The following CTNNA3 variants were observed in gnomAD, a reference collection of about 807,000 sequenced individuals.
The protein encoded by CTNNA3 is catenin alpha-3.
CTNNA3 carries 76 observed loss-of-function variants against 95.7 expected under a neutral mutation model. The observed-to-expected ratio is 0.79, with a 90% CI of 0.66 to 0.96. The LOEUF is 0.96. Ranked by LOEUF, CTNNA3 falls within the 40% of genes least tolerant of loss-of-function variation. The probability of loss-of-function intolerance (pLI) is 0.00; values close to 1 mark genes in which losing one functional copy is unlikely to be tolerated. For missense variants in CTNNA3, 1,191 were observed against 1,089.8 expected (o/e 1.09, Z -1.31); for synonymous variants, 431 against 374.4 (o/e 1.15, Z -1.74).
rs1389208620 is a variant in CTNNA3, at chr10:66,810,571, GT to G, written c.1048-35048del. On this transcript the variant is annotated intron_variant, in intron 7 of 17. Transcript: ENST00000433211. ...CCACAGATTTCTTATTGGGTTTGTG[GT>G]TTCCCATGTTGCTCCCACATCCCCT... Among the ~76,000 whole-genome samples, 5 of 152,208 alleles carry G rather than the reference GT, an allele frequency of 3.3e-5. No individual in the cohort carries two copies. The East Asian group carries it at 9.6e-4, about 29-fold the overall frequency.
At chr10:66,272,371 TA>T (rs1329027587) in intron 13 of CTNNA3, among the ~76,000 whole-genome samples, 2 of 152,170 alleles carry the variant, frequency 1.3e-5, no homozygotes, top group Non-Finnish European at 1.5e-5. Context: ...GTACATTAAA[TA>T]AATTGGAAAT....
At chr10:67,164,968 T>C (rs2132098700) in intron 7 of CTNNA3, among the ~76,000 whole-genome samples, 1 of 152,342 alleles carries the variant, frequency 6.6e-6, no homozygotes, top group East Asian at 1.9e-4. Context: ...TCCTAAAAAC[T>C]ATGCATCACA....
intron 15 of CTNNA3, among the ~76,000 whole-genome samples, chr10:66,039,179 A>G (rs2079628625): frequency 6.6e-6 from 1 of 152,216 alleles, no homozygotes; most frequent in Non-Finnish European, 1.5e-5. Flanking sequence ...CTAGGAATAC[A>G]GGCAGCCAGG....
chr10:67,518,508 AT>A (rs1029526026), intron 5 of CTNNA3, among the ~76,000 whole-genome samples: 1 of 152,094 alleles, frequency 6.6e-6, no homozygotes, highest in Admixed American at 6.6e-5. Context: ...CAATAATTTA[AT>A]TTTACATATT....
At chr10:67,465,112 T>C (rs1589318399) in intron 5 of CTNNA3, among the ~76,000 whole-genome samples, 1 of 145,462 alleles carries the variant, frequency 6.9e-6, no homozygotes, top group Non-Finnish European at 1.5e-5. Context: ...TCAGTGACAT[T>C]TTGCATCATT....
chr10:67,219,681 G>C lies in CTNNA3; in HGVS notation c.769C>G (p.Gln257Glu), dbSNP rs1864558915. ...GGGGTTGTCATATTCTGGATCCCTTGTGAAGCATTTGAAATTACATTGAGA... is the reference window on the plus strand; with the variant it reads ...GGGGTTGTCATATTCTGGATCCCTTCTGAAGCATTTGAAATTACATTGAGA... ...NALNVISNAS[Q>E]GIQNMTTPPE... Residue 257 changes from glutamine (Q) to glutamate (E), a missense_variant, in exon 6 of 18, where the codon CAA (glutamine) becomes GAA (glutamate). Physicochemically the swap from Gln to Glu is conservative, Grantham distance 29. Coordinates refer to ENST00000433211, the MANE Select transcript of CTNNA3 (RefSeq NM_013266.4). 9.9e-6 allele frequency: 16 copies of C among 1,614,156 alleles called. No homozygotes were observed. Among genetic ancestry groups the C allele is most frequent in the Non-Finnish European group, 1.2e-5 (14 of 1,180,010 alleles).
chr10:67,653,040 T>G (rs1839921427), intron 1 of CTNNA3, among the ~76,000 whole-genome samples: 1 of 152,204 alleles, frequency 6.6e-6, no homozygotes, highest in Non-Finnish European at 1.5e-5. Context: ...AGATATTTAA[T>G]TGGCTCATGG....
At chr10:65,940,091 T>C (rs1450013207) in intron 17 of CTNNA3, among the ~76,000 whole-genome samples, 1 of 152,156 alleles carries the variant, frequency 6.6e-6, no homozygotes, top group African/African-American at 2.4e-5. Flanking sequence ...TATTTCAATT[T>C]TCTAGAACCC....
chr10:66,944,717 G>A (rs1848194081), intron 7 of CTNNA3, among the ~76,000 whole-genome samples: 1 of 152,046 alleles, frequency 6.6e-6, no homozygotes, highest in Non-Finnish European at 1.5e-5. Context: ...CTTATAAAAG[G>A]TATTTCTTAA....
At chr10:67,089,923 C>A (rs1439702515) in intron 7 of CTNNA3, among the ~76,000 whole-genome samples, 1 of 151,978 alleles carries the variant, frequency 6.6e-6, no homozygotes, top group Non-Finnish European at 1.5e-5. Context: ...ACTTCTGCAG[C>A]ACCTGCCTAG....
At chr10:67,118,913 T>C (rs1157159330) in intron 7 of CTNNA3, among the ~76,000 whole-genome samples, 2 of 151,944 alleles carry the variant, frequency 1.3e-5, no homozygotes, top group Non-Finnish European at 2.9e-5. Flanking sequence ...AGCATCATTT[T>C]CCGCTGCCAT....
intron 12 of CTNNA3, among the ~76,000 whole-genome samples, chr10:66,333,267 GTAGT>G (rs1475391622): frequency 6.6e-6 from 1 of 151,756 alleles, no homozygotes. Context: ...TTGCCTTCTG[GTAGT>G]TTTTGAATGT....
chr10:66,735,650 T>C (rs1467902204), intron 9 of CTNNA3, among the ~76,000 whole-genome samples: 3 of 152,204 alleles, frequency 2.0e-5, no homozygotes, highest in Non-Finnish European at 4.4e-5. Context: ...TTATCAACTC[T>C]TCTGATACCT....
At chr10:66,016,085 G>A (rs2079091011) in intron 15 of CTNNA3, among the ~76,000 whole-genome samples, 1 of 152,134 alleles carries the variant, frequency 6.6e-6, no homozygotes, top group South Asian at 2.1e-4. Flanking sequence ...TAATCAGATA[G>A]TATCAGAGCT....
intron 1 of CTNNA3, among the ~76,000 whole-genome samples, chr10:67,751,586 AAGAC>A (rs1841407781): frequency 6.6e-6 from 1 of 152,174 alleles, no homozygotes. Flanking sequence ...AATGAAGAAG[AAGAC>A]AGAGAAGAAT....
At chr10:66,545,131 A>C (rs1361156969) in intron 10 of CTNNA3, among the ~76,000 whole-genome samples, 1 of 152,088 alleles carries the variant, frequency 6.6e-6, no homozygotes, top group African/African-American at 2.4e-5. Context: ...GTTAAATAAA[A>C]CAAAAATTAA....
At chr10:66,504,989 G>C (rs549495663) in intron 11 of CTNNA3, among the ~76,000 whole-genome samples, 1 of 152,128 alleles carries the variant, frequency 6.6e-6, no homozygotes, top group Admixed American at 6.5e-5. Context: ...CAAATCCTTA[G>C]GGCTATTTAC....
intron 1 of CTNNA3, among the ~76,000 whole-genome samples, chr10:67,730,044 T>G (rs1841265813): frequency 6.6e-6 from 1 of 152,152 alleles, no homozygotes; most frequent in African/African-American, 2.4e-5. Flanking sequence ...TAATCCTGAA[T>G]GCTAATCCTA....
At chr10:67,558,954 C>T (rs1841366869) in intron 3 of CTNNA3, among the ~76,000 whole-genome samples, 1 of 152,214 alleles carries the variant, frequency 6.6e-6, no homozygotes, top group East Asian at 1.9e-4. Context: ...CGCCATTGCC[C>T]AGGCTTGCTT....
Sources: allele counts gnomAD v4.1 joint callset (sites outside exome capture counted in the v4.1 genomes callset), GRCh38; gene constraint gnomAD v4.1.1; transcripts MANE v1.5; gene names NCBI Gene and HGNC (gene_info 2026-07-23, HGNC 2026-07-21).